LARP4B: variants seen among roughly 807,000 people sequenced by gnomAD.
LARP4B encodes the protein la-related protein 4B.
In LARP4B, 12 loss-of-function variants were observed where a neutral mutation model predicts 89.8. That is an observed-to-expected ratio of 0.13 (90% CI 0.09 to 0.22). The LOEUF (loss-of-function observed/expected upper bound fraction) is 0.22. Ranked by LOEUF, LARP4B falls within the 10% of genes least tolerant of loss-of-function variation. The probability of loss-of-function intolerance (pLI) is 1.00; values close to 1 mark genes in which losing one functional copy is unlikely to be tolerated. For missense variants in LARP4B, 757 were observed against 947.7 expected, an observed-to-expected ratio of 0.80 and a Z score of 2.64; for synonymous variants, 367 against 363.3, an observed-to-expected ratio of 1.01 and a Z score of -0.12.
At position 817,839 on chromosome 10, in the gene LARP4B, G is replaced by A. The variant is rs765611232; in HGVS notation, c.1581C>T (p.Phe527=). ...PTPPKPPSPS[F]ELGLSSFPPL... ...GAGGGAAGCTGGACAGCCCCAGCTC[G>A]AAGCTTGGCGACGGAGGCTTTGGTG... The change falls in exon 15 of 18, where the codon TTC becomes TTT. Residue 527 remains phenylalanine, a synonymous_variant. Transcript: ENST00000316157. 8.1e-6 allele frequency: 13 copies of A among 1,614,064 alleles called. No homozygotes were observed. Among genetic ancestry groups the A allele is most frequent in the Admixed American group, 3.3e-5 (2 of 59,998 alleles).
intron 5 of LARP4B, among the ~76,000 whole-genome samples, chr10:861,233 C>T (rs1434773950): frequency 1.3e-5 from 2 of 152,110 alleles, no homozygotes; most frequent in African/African-American, 2.4e-5. Flanking sequence ...TTGGGATGTT[C>T]GTGATCTTGA....
At chr10:977,777 C>G in the LARP4B span, among the ~76,000 whole-genome samples, 1 of 152,094 alleles carries the variant, frequency 6.6e-6, no homozygotes, top group Non-Finnish European at 1.5e-5. Context: ...AATACTATGC[C>G]ATTTTATACC....
At chr10:900,273 G>A (rs1836298090) in intron 1 of LARP4B, among the ~76,000 whole-genome samples, 1 of 151,878 alleles carries the variant, frequency 6.6e-6, no homozygotes, top group Admixed American at 6.6e-5. Flanking sequence ...CTTGAACCTG[G>A]GAGAAGAAGG....
chr10:808,725 G>A (rs964200847), downstream of LARP4B: 2 of 102,704 alleles, frequency 1.9e-5, no homozygotes, highest in South Asian at 2.8e-4. Flanking sequence ...GATTAAAAGC[G>A]TGTGTGTGTG....
At chr10:964,097 C>T in the LARP4B span, among the ~76,000 whole-genome samples, 1 of 152,244 alleles carries the variant, frequency 6.6e-6, no homozygotes, top group Admixed American at 6.5e-5. Context: ...GACAGAGTCT[C>T]GCTCTGTTGC....
chr10:984,245 T>C, the LARP4B span, among the ~76,000 whole-genome samples: 1 of 152,174 alleles, frequency 6.6e-6, no homozygotes, highest in Non-Finnish European at 1.5e-5. Context: ...ATCTCGAGTA[T>C]CTTTTTGGGT....
chr10:954,544 G>T, the LARP4B span, among the ~76,000 whole-genome samples: 1 of 152,138 alleles, frequency 6.6e-6, no homozygotes, highest in African/African-American at 2.4e-5. The surrounding 1 kb of genome is among the most constrained non-coding windows in gnomAD (Gnocchi z 5.0). Context: ...ATGGGAGTCG[G>T]GACATGGCCT....
the LARP4B span, among the ~76,000 whole-genome samples, chr10:939,094 A>G: frequency 6.6e-6 from 1 of 152,262 alleles, no homozygotes; most frequent in African/African-American, 2.4e-5. Flanking sequence ...TTAATTCGTC[A>G]TAGACATTCC....
chr10:931,418 G>A lies in LARP4B; in HGVS notation c.-40+10C>T, dbSNP rs1830604687. The A allele has an allele frequency of 1.4e-5, 2 of 147,700 alleles. No homozygotes were observed. Among genetic ancestry groups the A allele is most frequent in the South Asian group, 3.9e-4 (2 of 5,188 alleles). The allele number at this position is 147,700 out of a possible 1,614,324, so 9.1% of individuals were successfully genotyped here. ...GGAGGGACGGCCCGCCGCGGCCCAG[G>A]GTGCCTCACCTGTCAGCGCCGCCGC... is the stretch of plus-strand genomic sequence containing the variant. On this transcript the variant is annotated intron_variant, in intron 1 of 17. Transcript: ENST00000316157.
chr10:852,414 T>A (rs868559671), intron 5 of LARP4B, among the ~76,000 whole-genome samples: 1 of 152,218 alleles, frequency 6.6e-6, no homozygotes, highest in South Asian at 2.1e-4. Context: ...TCTCCATAGA[T>A]GACAAATTAC....
chr10:876,433 G>A (rs1026704430), intron 3 of LARP4B, among the ~76,000 whole-genome samples: 5 of 152,182 alleles, frequency 3.3e-5, no homozygotes, highest in Non-Finnish European at 7.3e-5. Flanking sequence ...GGAGAAATAG[G>A]CAAGAAGAAG....
At chr10:911,557 G>A (rs1204812656) in intron 1 of LARP4B, among the ~76,000 whole-genome samples, 1 of 152,122 alleles carries the variant, frequency 6.6e-6, no homozygotes, top group Non-Finnish European at 1.5e-5. Flanking sequence ...TCTGAGACTT[G>A]TTCTGTTTCC....
intron 5 of LARP4B, among the ~76,000 whole-genome samples, chr10:854,967 C>T (rs574604298): frequency 6.6e-6 from 1 of 152,334 alleles, no homozygotes; most frequent in East Asian, 1.9e-4. Flanking sequence ...CTTGCTGTTT[C>T]ACCTTGCATT....
intron 11 of LARP4B, among the ~76,000 whole-genome samples, chr10:827,071 C>A (rs991278117): frequency 1.3e-5 from 2 of 152,118 alleles, no homozygotes; most frequent in Admixed American, 1.3e-4. Flanking sequence ...GTCAGGAGAT[C>A]AAGACCATCC....
chr10:912,511 T>G (rs1836694765), intron 1 of LARP4B, among the ~76,000 whole-genome samples: 1 of 151,838 alleles, frequency 6.6e-6, no homozygotes, highest in African/African-American at 2.4e-5. Context: ...CTCATTAAAG[T>G]CAGTAATCTA....
chr10:885,580 T>A, intron 2 of LARP4B, 61 bp downstream of exon 2: 2 of 1,235,648 alleles, frequency 1.6e-6, no homozygotes, highest in Non-Finnish European at 2.3e-6. Flanking sequence ...CTAACTCCAA[T>A]ATAGAGTCCT....
At chr10:985,192 G>C in the LARP4B span, 1 of 152,302 alleles carries the variant, frequency 6.6e-6, no homozygotes. Context: ...AAGTGACCTG[G>C]CACATGGTGG....
chr10:977,686 T>C, the LARP4B span, among the ~76,000 whole-genome samples: 1 of 152,232 alleles, frequency 6.6e-6, no homozygotes, highest in Non-Finnish European at 1.5e-5. Flanking sequence ...CAACTATTTA[T>C]ATATCATTTA....
At chr10:905,914 C>T (rs1836478555) in intron 1 of LARP4B, among the ~76,000 whole-genome samples, 1 of 152,224 alleles carries the variant, frequency 6.6e-6, no homozygotes, top group African/African-American at 2.4e-5. Flanking sequence ...CCACTCTACC[C>T]TCTTCCACTT....
Sources: gnomAD v4.1 joint callset for allele counts (sites outside exome capture counted in the v4.1 genomes callset) on GRCh38, gnomAD v4.1.1 for gene constraint, Gnocchi (gnomAD v3.1) non-coding constraint, MANE v1.5 for transcripts, NCBI Gene and HGNC (gene_info 2026-07-23, HGNC 2026-07-21) for gene names.